PTBP3: variants seen among roughly 807,000 people sequenced by gnomAD.
PTBP3 encodes polypyrimidine tract-binding protein 3.
PTBP3 carries 20 observed loss-of-function variants against 58.7 expected under a neutral mutation model. The observed-to-expected ratio is 0.34, with a 90% confidence interval of 0.24 to 0.50. The LOEUF is 0.50. Among genes scored for constraint, PTBP3 ranks in the 20% least tolerant of loss-of-function variants. The pLI is 0.98. For synonymous variants in PTBP3, 185 were observed against 219.8 expected (o/e 0.84, Z 1.40); for missense variants, 509 against 637.2 (o/e 0.80, Z 2.17).
chr9:112,231,364 G>C lies in PTBP3; in HGVS notation c.1054+16C>G. On this transcript the variant is annotated intron_variant, in intron 10 of 13. Transcript: ENST00000374257. ...CACACCTGTAGACAATAATAAAATAGCAAAAATGAACTTACCAAATAGGAT... is the reference window on the plus strand; with the variant it reads ...CACACCTGTAGACAATAATAAAATACCAAAAATGAACTTACCAAATAGGAT... 1 of 1,570,592 alleles carries C rather than the reference G, an allele frequency of 6.4e-7. No homozygotes were observed. Among genetic ancestry groups the C allele is most frequent in the Non-Finnish European group, 8.7e-7 (1 of 1,149,952 alleles).
chr9:112,244,634 C>T (rs889259610), intron 7 of PTBP3, among the ~76,000 whole-genome samples: 3 of 151,970 alleles, frequency 2.0e-5, no homozygotes, highest in African/African-American at 4.8e-5. Flanking sequence ...ACCATGAGTG[C>T]ACCACTGCAC....
the PTBP3 span, among the ~76,000 whole-genome samples, chr9:112,341,277 G>A: frequency 2.0e-5 from 3 of 151,994 alleles, no homozygotes; most frequent in Non-Finnish European, 4.4e-5. Context: ...GATTACAGGT[G>A]CACACCACCA....
At chr9:112,379,867 TCACC>T in the PTBP3 span, 1 of 532,622 alleles carries the variant, frequency 1.9e-6, no homozygotes, top group African/African-American at 2.0e-5. Flanking sequence ...AGCCTGATTG[TCACC>T]GTACGACCAG....
chr9:112,343,776 G>A, the PTBP3 span, among the ~76,000 whole-genome samples: 2 of 135,204 alleles, frequency 1.5e-5, no homozygotes, highest in Non-Finnish European at 3.1e-5. Flanking sequence ...GGGCAACAGA[G>A]CAAGACTCTA....
chr9:112,348,590 C>G, the PTBP3 span, among the ~76,000 whole-genome samples: 1 of 152,190 alleles, frequency 6.6e-6, no homozygotes, highest in African/African-American at 2.4e-5. Context: ...ATCGGGAGAG[C>G]GGAGGCAACC....
intron 1 of PTBP3, among the ~76,000 whole-genome samples, chr9:112,325,591 A>T (rs1830123585): frequency 1.2e-5 from 1 of 85,550 alleles, no homozygotes; most frequent in Admixed American, 1.5e-4. Context: ...TGGAATTCTC[A>T]CAGAAATTAA....
intron 7 of PTBP3, among the ~76,000 whole-genome samples, chr9:112,242,015 T>C (rs929169316): frequency 3.3e-5 from 5 of 152,234 alleles, no homozygotes; most frequent in African/African-American, 1.2e-4. Context: ...AAGGACCACT[T>C]TTATCTATTC....
chr9:112,352,440 ACCCTTCAGCCT>A, the PTBP3 span, among the ~76,000 whole-genome samples: 3 of 152,138 alleles, frequency 2.0e-5, no homozygotes, highest in Admixed American at 6.6e-5. Flanking sequence ...GTCACTGTTA[ACCCTTCAGCCT>A]CCCTTCACTT....
chr9:112,311,625 C>T (rs568028570), intron 1 of PTBP3, among the ~76,000 whole-genome samples: 2 of 152,096 alleles, frequency 1.3e-5, no homozygotes, highest in African/African-American at 2.4e-5. Flanking sequence ...TTTGGCCCCC[C>T]CTAGATACTG....
the PTBP3 span, among the ~76,000 whole-genome samples, chr9:112,371,068 A>G: frequency 6.6e-6 from 1 of 152,086 alleles, no homozygotes; most frequent in East Asian, 1.9e-4. Flanking sequence ...CTGCAAGTAA[A>G]GATAGTTTTA....
chr9:112,289,784 T>C (rs1045644883), intron 2 of PTBP3, among the ~76,000 whole-genome samples: 14 of 152,200 alleles, frequency 9.2e-5, no homozygotes, highest in Admixed American at 6.5e-5. Flanking sequence ...TTATTTTGTG[T>C]GTGTGTATAT....
rs1214444222 is a variant in PTBP3, at chr9:112,251,011, G to T, written c.720C>A (p.Asp240Glu). Residue 240 changes from aspartate (D) to glutamate (E), a missense_variant, in exon 7 of 14, where the codon GAC becomes GAA. This residue lies in a region of PTBP3 where 41 missense variants were observed against 78.0 expected (regional missense o/e 0.53). Transcript: ENST00000374257. ...CTAAGCGAGTGAAGTCTCTGCTTTT[G>T]TCATTATTATATTTCACATTAAGGC... The part of the protein sequence containing the change: ...LTSLNVKYNN[D>E]KSRDFTRLDL... 6.2e-7 allele frequency: 1 copy of T among 1,612,252 alleles called. No individual in the cohort carries two copies. The highest frequency in any genetic ancestry group is 8.5e-7 in the Non-Finnish European group (1 of 1,179,142).
At chr9:112,276,374 C>T (rs1054160911) in intron 2 of PTBP3, among the ~76,000 whole-genome samples, 4 of 152,040 alleles carry the variant, frequency 2.6e-5, no homozygotes, top group Non-Finnish European at 4.4e-5. Context: ...ATTTTAAGGA[C>T]ATTTTTCTAA....
chr9:112,295,419 G>A (rs1183776377), intron 2 of PTBP3, among the ~76,000 whole-genome samples: 4 of 142,516 alleles, frequency 2.8e-5, no homozygotes, highest in African/African-American at 5.2e-5. Context: ...AAGATTGGAG[G>A]AAAAAAAAAA....
At chr9:112,230,250 C>T (rs796670606) in intron 10 of PTBP3, among the ~76,000 whole-genome samples, 115 of 152,098 alleles carry the variant, frequency 7.6e-4, no homozygotes, top group African/African-American at 2.6e-3. Context: ...TGCTTGAGCC[C>T]AAGAGTTTGA....
intron 10 of PTBP3, among the ~76,000 whole-genome samples, 179 bp from the exon 11 acceptor site, chr9:112,228,651 T>C (rs983889674): frequency 6.6e-6 from 1 of 152,230 alleles, no homozygotes; most frequent in Non-Finnish European, 1.5e-5. Context: ...TCTTTTTCAC[T>C]TGGATGTCCC....
At chr9:112,365,057 T>C in the PTBP3 span, among the ~76,000 whole-genome samples, 1 of 152,238 alleles carries the variant, frequency 6.6e-6, no homozygotes, top group East Asian at 1.9e-4. Flanking sequence ...GTGGCTGGCT[T>C]ATATCACTTA....
chr9:112,326,196 G>C (rs1375092999), intron 1 of PTBP3, among the ~76,000 whole-genome samples: 1 of 152,194 alleles, frequency 6.6e-6, no homozygotes, highest in East Asian at 1.9e-4. Flanking sequence ...GTACCCTTAA[G>C]ACATGTGCAT....
chr9:112,308,837 A>G (rs1469772113), intron 1 of PTBP3, among the ~76,000 whole-genome samples: 1 of 152,116 alleles, frequency 6.6e-6, no homozygotes, highest in Non-Finnish European at 1.5e-5. Flanking sequence ...TGGACTTGTC[A>G]GCTCTCTGGC....
Sources: gnomAD v4.1 joint callset for allele counts (sites outside exome capture counted in the v4.1 genomes callset) on GRCh38, gnomAD v4.1.1 for gene constraint, gnomAD v4.1.1 regional missense constraint, MANE v1.5 for transcripts, NCBI Gene and HGNC (gene_info 2026-07-23, HGNC 2026-07-21) for gene names.